The following QDPR variants were observed in gnomAD, a reference collection of about 807,000 sequenced individuals.
QDPR encodes dihydropteridine reductase.
In QDPR, 23 loss-of-function variants were observed where a neutral mutation model predicts 31.7. That is an observed-to-expected ratio of 0.73 (90% CI 0.52 to 1.03). The LOEUF (loss-of-function observed/expected upper bound fraction) is 1.03. QDPR is among the 50% of genes least tolerant of loss of function. QDPR has a pLI of 0.00. For missense variants in QDPR, 324 were observed against 323.8 expected (o/e 1.00, Z 0.00); for synonymous variants, 124 against 124.7 (o/e 0.99, Z 0.03).
In QDPR at chr4:17,496,420, G is replaced by T. The variant is rs1461917062; in HGVS notation, c.437-4080C>A. Among the ~76,000 whole-genome samples the T allele has an allele frequency of 2.8e-3, 305 of 108,880 alleles. 6 individuals are homozygous for T. Among genetic ancestry groups the T allele is most frequent in the Non-Finnish European group, 3.3e-3 (171 of 52,222 alleles). The allele number at this position is 108,880 out of a possible 152,430, so 71.4% of individuals were successfully genotyped here. A position where few individuals can be genotyped will look rare whatever the true frequency, so the allele number is the denominator to read the frequency against. On this transcript the variant is annotated intron_variant, in intron 4 of 6. Coordinates refer to ENST00000281243, the MANE Select transcript of QDPR (RefSeq NM_000320.3). ...GATTGCGCCATTGCACTCCAGCCTG[G>T]GCAATAAGGGCAAAACTGTCTCAAA...
chr4:17,509,221 CCT>C (rs1464625334), intron 2 of QDPR, 48 bp downstream of exon 2: 1 of 1,416,434 alleles, frequency 7.1e-7, no homozygotes, highest in Admixed American at 1.7e-5. Context: ...CCAGTGGTCA[CCT>C]CTCCCCAGGG....
intron 3 of QDPR, among the ~76,000 whole-genome samples, chr4:17,502,350 C>T (rs1718600606): frequency 6.6e-6 from 1 of 152,112 alleles, no homozygotes; most frequent in Non-Finnish European, 1.5e-5. Flanking sequence ...AAAATAACAA[C>T]CATTTTACAC....
At chr4:17,487,403 A>C (rs1446765493) in intron 6 of QDPR, among the ~76,000 whole-genome samples, 167 bp from the exon 7 acceptor site, 2 of 152,154 alleles carry the variant, frequency 1.3e-5, no homozygotes, top group East Asian at 3.9e-4. Context: ...TGATCCCAGC[A>C]CTTTGGGAGG....
intron 2 of QDPR, among the ~76,000 whole-genome samples, 178 bp downstream of exon 2, chr4:17,509,093 G>A (rs1718900598): frequency 1.3e-5 from 2 of 152,158 alleles, no homozygotes; most frequent in Non-Finnish European, 2.9e-5. Context: ...AGGAGGCAAA[G>A]GTTGCAGTGA....
At chr4:17,510,924 AT>A (rs1460906753) in intron 1 of QDPR, among the ~76,000 whole-genome samples, 1 of 152,160 alleles carries the variant, frequency 6.6e-6, no homozygotes, top group African/African-American at 2.4e-5. Flanking sequence ...TCAGAAGCAT[AT>A]TCCTGTACCA....
chr4:17,511,013 C>T (rs1307582947), intron 1 of QDPR, among the ~76,000 whole-genome samples: 1 of 152,222 alleles, frequency 6.6e-6, no homozygotes, highest in East Asian at 1.9e-4. Context: ...GACTTCACCA[C>T]TACACAACAT....
chr4:17,499,698 T>C (rs983890290), intron 4 of QDPR, among the ~76,000 whole-genome samples: 6 of 152,158 alleles, frequency 3.9e-5, no homozygotes, highest in African/African-American at 1.4e-4. Context: ...GGCAGGAGCA[T>C]CACCTGAAGC....
chr4:17,500,760 A>C (rs1718533522), intron 4 of QDPR, among the ~76,000 whole-genome samples: 1 of 152,196 alleles, frequency 6.6e-6, no homozygotes, highest in African/African-American at 2.4e-5. Context: ...ATGCAAAAGA[A>C]ATGACATAAT....
At chr4:17,503,407 TACA>T (rs1197637998) in intron 3 of QDPR, among the ~76,000 whole-genome samples, 1 of 152,166 alleles carries the variant, frequency 6.6e-6, no homozygotes, top group Non-Finnish European at 1.5e-5. Context: ...CTTTCTTAGG[TACA>T]ATGGTACCAT....
chr4:17,487,313 C>A, intron 6 of QDPR, 77 bp from the exon 7 acceptor site: 3 of 807,228 alleles, frequency 3.7e-6, no homozygotes, highest in Non-Finnish European at 6.2e-6. Context: ...ACAGTGACGG[C>A]TTGTGGGGTG....
At chr4:17,503,843 C>T (rs765495060) in intron 3 of QDPR, among the ~76,000 whole-genome samples, 18 of 151,828 alleles carry the variant, frequency 1.2e-4, no homozygotes, top group Non-Finnish European at 1.9e-4. Context: ...ATCAGCTACT[C>T]GGGAGGCTGA....
chr4:17,491,116 A>G lies in QDPR; in HGVS notation c.546-371T>C, dbSNP rs115936538. 1.3e-3 allele frequency among the ~76,000 whole-genome samples: 199 copies of G among 152,334 alleles called. 2 individuals carry two copies. The highest frequency in any genetic ancestry group is 4.6e-3 in the African/African-American group (193 of 41,562). The stretch of plus-strand genomic sequence containing the variant: ...ACATGCAGCACACTCATTTCTAAGG[A>G]TTTAAGATAGTTATATGCCTTTAAA... On this transcript the variant is annotated intron_variant, in intron 5 of 6. Transcript: ENST00000281243.
intron 4 of QDPR, among the ~76,000 whole-genome samples, chr4:17,499,333 G>C (rs943690692): frequency 2.6e-5 from 4 of 152,188 alleles, no homozygotes; most frequent in Admixed American, 2.0e-4. Context: ...CAAACCAAAG[G>C]AAAGTAGGAG....
intron 2 of QDPR, among the ~76,000 whole-genome samples, chr4:17,504,840 T>C (rs1292747704): frequency 6.6e-6 from 1 of 152,104 alleles, no homozygotes; most frequent in African/African-American, 2.4e-5. Flanking sequence ...TCCTGGTGTA[T>C]TTCTTTCCAG....
chr4:17,508,783 T>A, intron 2 of QDPR, among the ~76,000 whole-genome samples: 1 of 152,342 alleles, frequency 6.6e-6, no homozygotes, highest in African/African-American at 2.4e-5. Context: ...TAATTTATCT[T>A]TGTATCATTT....
chr4:17,488,512 G>A (rs1220107650), intron 6 of QDPR, among the ~76,000 whole-genome samples: 1 of 152,150 alleles, frequency 6.6e-6, no homozygotes, highest in Non-Finnish European at 1.5e-5. Flanking sequence ...TCACAAATCT[G>A]AGGAGAGGAG....
At chr4:17,497,801 G>C (rs12644621) in intron 4 of QDPR, among the ~76,000 whole-genome samples, 10,746 of 152,204 alleles carry the variant, frequency 0.071, 938 homozygotes, top group East Asian at 0.44. Flanking sequence ...CGCCAAGTCT[G>C]TTGAGGTATA....
chr4:17,502,358 CA>C (rs1718601147), intron 3 of QDPR, among the ~76,000 whole-genome samples: 1 of 152,176 alleles, frequency 6.6e-6, no homozygotes. Flanking sequence ...AACCATTTTA[CA>C]CTTGTTTTAA....
At chr4:17,491,290 G>A (rs1420288067) in intron 5 of QDPR, among the ~76,000 whole-genome samples, 1 of 152,192 alleles carries the variant, frequency 6.6e-6, no homozygotes, top group Admixed American at 6.5e-5. Context: ...ATTCAAAACA[G>A]CTGTGGGAAT....
Sources: allele counts gnomAD v4.1 joint callset (sites outside exome capture counted in the v4.1 genomes callset), GRCh38; gene constraint gnomAD v4.1.1; transcripts MANE v1.5; gene names NCBI Gene and HGNC (gene_info 2026-07-23, HGNC 2026-07-21).